Variants in PTPRD observed in about 807,000 individuals in gnomAD.
PTPRD encodes protein tyrosine phosphatase receptor type D.
A neutral mutation model predicts 214.5 loss-of-function variants in PTPRD; 34 were observed. That is an observed-to-expected ratio of 0.16 (90% CI 0.12 to 0.21). The LOEUF is 0.21. Among genes scored for constraint, PTPRD ranks in the 10% least tolerant of loss-of-function variants. PTPRD has a pLI of 1.00. For synonymous variants in PTPRD, 1,128 were observed against 845.7 expected (o/e 1.33, Z -5.79); for missense variants, 2,545 against 2,398.7 (o/e 1.06, Z -1.27).
intron 7 of PTPRD, among the ~76,000 whole-genome samples, chr9:9,627,550 G>A (rs2095461972): frequency 6.6e-6 from 1 of 152,184 alleles, no homozygotes; most frequent in African/African-American, 2.4e-5. Context: ...GTAAGGTGGG[G>A]CTGGAGGGTG....
chr9:9,551,168 G>C (rs560979332), intron 8 of PTPRD, among the ~76,000 whole-genome samples: 1 of 151,972 alleles, frequency 6.6e-6, no homozygotes, highest in Admixed American at 6.6e-5. Context: ...AAGGAGCTGG[G>C]GTAGTATGGA....
chr9:9,027,320 G>C (rs933063899), intron 10 of PTPRD, among the ~76,000 whole-genome samples: 23 of 151,910 alleles, frequency 1.5e-4, no homozygotes, highest in South Asian at 6.2e-4. Flanking sequence ...ATATCTGCAT[G>C]TTCAGCTTTT....
In PTPRD at chr9:9,128,609, A is replaced by G. The variant is rs1356426680; in HGVS notation, c.-143+54695T>C. Among the ~76,000 whole-genome samples the G allele has an allele frequency of 1.3e-5, 2 of 152,342 alleles. 1 individual carries two copies. The highest frequency in any genetic ancestry group is 3.9e-4 in the East Asian group (2 of 5,188). ...AATAGTCTATACATGTAGTTGCTTT[A>G]AAAATATATCAGCTTTCTGAATATC... On this transcript the variant is annotated intron_variant, in intron 10 of 45. Coordinates refer to ENST00000381196, the MANE Select transcript of PTPRD (RefSeq NM_002839.4).
intron 2 of PTPRD, among the ~76,000 whole-genome samples, chr9:10,535,175 C>A (rs2057456896): frequency 6.6e-6 from 1 of 152,042 alleles, no homozygotes; most frequent in African/African-American, 2.4e-5. Context: ...CCCAAGGGAC[C>A]ATTTATCACA....
intron 3 of PTPRD, among the ~76,000 whole-genome samples, chr9:10,058,578 G>A (rs1189565070): frequency 6.6e-6 from 1 of 152,034 alleles, no homozygotes; most frequent in Admixed American, 6.6e-5. Context: ...CATGGATCCT[G>A]CTATCAACTG....
chr9:8,339,879 C>G (rs1251462202), intron 42 of PTPRD, among the ~76,000 whole-genome samples: 1 of 151,154 alleles, frequency 6.6e-6, no homozygotes, highest in Non-Finnish European at 1.5e-5. Flanking sequence ...TCTGGGATTA[C>G]CAGGTTATAT....
chr9:8,559,904 T>C (rs2085481658), intron 14 of PTPRD, among the ~76,000 whole-genome samples: 1 of 152,236 alleles, frequency 6.6e-6, no homozygotes, highest in Non-Finnish European at 1.5e-5. Context: ...GCAATTAACA[T>C]TAATTTGCAG....
chr9:9,877,207 T>A (rs1488637751), intron 5 of PTPRD, among the ~76,000 whole-genome samples: 1 of 152,198 alleles, frequency 6.6e-6, no homozygotes, highest in Non-Finnish European at 1.5e-5. Flanking sequence ...ATGCATCTCC[T>A]GAGTAACTGG....
chr9:10,255,703 T>C (rs2093206116), intron 3 of PTPRD, among the ~76,000 whole-genome samples: 1 of 152,202 alleles, frequency 6.6e-6, no homozygotes, highest in Non-Finnish European at 1.5e-5. Context: ...AACTTTTTAG[T>C]TTTTAGATTA....
intron 11 of PTPRD, among the ~76,000 whole-genome samples, chr9:8,792,248 G>A (rs1015791503): frequency 6.6e-6 from 1 of 152,132 alleles, no homozygotes; most frequent in Non-Finnish European, 1.5e-5. Flanking sequence ...TACAGAGATT[G>A]TTACTTTGAT....
At chr9:8,366,355 G>A (rs2079876864) in intron 39 of PTPRD, among the ~76,000 whole-genome samples, 1 of 152,098 alleles carries the variant, frequency 6.6e-6, no homozygotes, top group Non-Finnish European at 1.5e-5. Flanking sequence ...CTTAACTGCT[G>A]CCTCTCCCTT....
chr9:9,102,926 T>C (rs2099793297), intron 10 of PTPRD, among the ~76,000 whole-genome samples: 1 of 152,360 alleles, frequency 6.6e-6, no homozygotes, highest in Middle Eastern at 3.4e-3. Flanking sequence ...GATTTTGTTT[T>C]CTTGCAAATA....
chr9:9,129,637 A>G (rs1441132678), intron 10 of PTPRD, among the ~76,000 whole-genome samples: 1 of 152,158 alleles, frequency 6.6e-6, no homozygotes, highest in African/African-American at 2.4e-5. Flanking sequence ...GTGCCACTCC[A>G]ACAAAACTAT....
At chr9:10,010,874 T>A (rs1425192191) in intron 4 of PTPRD, among the ~76,000 whole-genome samples, 1 of 151,898 alleles carries the variant, frequency 6.6e-6, no homozygotes, top group East Asian at 1.9e-4. Context: ...ACCAAGGCAA[T>A]AATTGTTCTA....
Position 8,500,737 on chromosome 9 carries a change from T to C in PTPRD, c.2128+17A>G. 1 of 1,612,588 alleles carries C rather than the reference T, an allele frequency of 6.2e-7. No homozygotes were observed. Among genetic ancestry groups the C allele is most frequent in the Non-Finnish European group, 8.5e-7 (1 of 1,179,024 alleles). ...TGTGTCAGAAGGGTGCAAACTGACG[T>C]AGCGGAGGCAACATACCATCTTCAT... On this transcript the variant is annotated intron_variant, in intron 24 of 45. Coordinates refer to ENST00000381196, the MANE Select transcript of PTPRD (RefSeq NM_002839.4).
At chr9:8,398,099 G>T (rs1026193702) in intron 36 of PTPRD, among the ~76,000 whole-genome samples, 2 of 152,040 alleles carry the variant, frequency 1.3e-5, no homozygotes, top group African/African-American at 2.4e-5. Context: ...ACATATCAAA[G>T]AAATTTTGTC....
intron 9 of PTPRD, among the ~76,000 whole-genome samples, chr9:9,355,012 T>C (rs2053193126): frequency 6.6e-6 from 1 of 151,812 alleles, no homozygotes; most frequent in Non-Finnish European, 1.5e-5. Context: ...GGTGCCATTG[T>C]AGAGTATGGA....
intron 8 of PTPRD, among the ~76,000 whole-genome samples, chr9:9,427,445 C>T (rs144368774): frequency 0.042 from 6,352 of 152,108 alleles, 306 homozygotes; most frequent in African/African-American, 0.12. Flanking sequence ...GATTGGTGTA[C>T]GTAAAAGTGA....
intron 7 of PTPRD, among the ~76,000 whole-genome samples, chr9:9,598,454 C>G (rs879831338): frequency 2.0e-5 from 3 of 151,846 alleles, no homozygotes; most frequent in Admixed American, 6.6e-5. Flanking sequence ...CCCAACTCCA[C>G]TTTGTTAAAA....
Sources: gnomAD v4.1 joint callset for allele counts (sites outside exome capture counted in the v4.1 genomes callset) on GRCh38, gnomAD v4.1.1 for gene constraint, MANE v1.5 for transcripts, NCBI Gene and HGNC (gene_info 2026-07-23, HGNC 2026-07-21) for gene names.